PML: variants seen among roughly 807,000 people sequenced by gnomAD.
PML encodes the protein protein PML.
PML carries 28 observed loss-of-function variants against 65.2 expected under a neutral mutation model. The ratio of observed to expected loss-of-function variants is 0.43; its 90% confidence interval spans 0.32 to 0.59. The LOEUF is 0.59. Among genes scored for constraint, PML ranks in the 20% least tolerant of loss-of-function variants. The pLI, the probability that PML is intolerant of heterozygous loss-of-function variation, is 0.08. For missense variants in PML, 1,021 were observed against 1,203.4 expected, an observed-to-expected ratio of 0.85 and a Z score of 2.24; for synonymous variants, 500 against 508.8, an observed-to-expected ratio of 0.98 and a Z score of 0.23.
At chr15:74,038,174 C>T (rs2141888701) in intron 7 of PML, among the ~76,000 whole-genome samples, 1 of 152,324 alleles carries the variant, frequency 6.6e-6, no homozygotes, top group Non-Finnish European at 1.5e-5. Context: ...AAAGCTACCA[C>T]TGACCCTGGG....
intron 2 of PML, among the ~76,000 whole-genome samples, chr15:74,000,167 G>T (rs532179156): frequency 6.6e-6 from 1 of 152,188 alleles, no homozygotes; most frequent in Non-Finnish European, 1.5e-5. Flanking sequence ...AAGCTTTCAT[G>T]TTTTGAACGT....
At position 73,998,337 on chromosome 15, in the gene PML, C is replaced by T; in HGVS notation, c.463C>T (p.His155Tyr). 6.2e-7 allele frequency: 1 copy of T among 1,614,226 alleles called. No homozygotes were observed. Among genetic ancestry groups the T allele is most frequent in the Non-Finnish European group, 8.5e-7 (1 of 1,180,042 alleles). Residue 155 changes from histidine to tyrosine, a missense_variant, in exon 2 of 9, where the codon CAC becomes TAC. Coordinates refer to ENST00000268058, the MANE Select transcript of PML (RefSeq NM_033238.3). Reference protein sequence around the residue: ...QLLCAKCFEAHQWFLKHEARP... With the variant: ...QLLCAKCFEAYQWFLKHEARP... ...CCTCTGCGCCAAGTGCTTCGAGGCACACCAGTGGTTCCTCAAGCACGAGGC... is the reference window on the plus strand; with the variant it reads ...CCTCTGCGCCAAGTGCTTCGAGGCATACCAGTGGTTCCTCAAGCACGAGGC...
At chr15:74,021,374 G>A (rs2070826524) in intron 2 of PML, among the ~76,000 whole-genome samples, 1 of 152,152 alleles carries the variant, frequency 6.6e-6, no homozygotes, top group Non-Finnish European at 1.5e-5. Flanking sequence ...ATCACCTGAG[G>A]TCGGGAGTTC....
intron 2 of PML, among the ~76,000 whole-genome samples, chr15:74,010,571 G>A (rs1209616417): frequency 6.6e-6 from 1 of 150,830 alleles, no homozygotes; most frequent in Non-Finnish European, 1.5e-5. Flanking sequence ...ATTGCTAACT[G>A]ATAAAATTAA....
At chr15:74,006,880 C>T (rs938833974) in intron 2 of PML, among the ~76,000 whole-genome samples, 2 of 152,140 alleles carry the variant, frequency 1.3e-5, no homozygotes, top group African/African-American at 4.8e-5. Flanking sequence ...TGCCAGGCGC[C>T]TTTAAATAAC....
At chr15:74,028,117 A>G (rs1334849153) in intron 4 of PML, 1 of 152,252 alleles carries the variant, frequency 6.6e-6, no homozygotes, top group African/African-American at 2.4e-5. Flanking sequence ...AGCAGCTCAG[A>G]TATTTTCCCT....
intron 2 of PML, among the ~76,000 whole-genome samples, chr15:74,002,444 CTTT>C (rs71137368): frequency 5.7e-5 from 6 of 104,758 alleles, no homozygotes; most frequent in Admixed American, 1.2e-4. Flanking sequence ...TCTTTCTTTT[CTTT>C]TTTTTTTTTT....
At chr15:74,006,118 C>G (rs10220720) in intron 2 of PML, among the ~76,000 whole-genome samples, 1 of 152,152 alleles carries the variant, frequency 6.6e-6, no homozygotes, top group African/African-American at 2.4e-5. Flanking sequence ...AGGCTGGGTG[C>G]TGCGGCTCAC....
rs940358501 is a variant in PML at position 74,046,079 on chromosome 15, G to A, written c.*1071G>A. On this transcript the variant is annotated 3_prime_UTR_variant, in exon 9 of 9. Transcript: ENST00000268058. ...GGCCTAGGAACAGGTCCCTTCCTAA[G>A]CTCTAGTGTCCCCATCTGTAAAATG... is the stretch of plus-strand genomic sequence containing the variant. 4.3e-6 allele frequency: 1 copy of A among 232,930 alleles called. No individual in the cohort carries two copies. The highest frequency in any genetic ancestry group is 2.2e-5 in the African/African-American group (1 of 45,322). The allele number at this position is 232,930 out of a possible 1,614,324, so 14.4% of individuals were successfully genotyped here.
At position 74,023,358 on chromosome 15, in the gene PML, A is replaced by T. The variant is rs2141835131; in HGVS notation, c.1133A>T (p.Glu378Val). 6.2e-7 allele frequency: 1 copy of T among 1,601,910 alleles called. No individual in the cohort carries two copies. The highest frequency in any genetic ancestry group is 1.7e-4 in the Middle Eastern group (1 of 5,996). Residue 378 changes from glutamate (E) to valine (V), a missense_variant, in exon 3 of 9, where the codon GAG (glutamate) becomes GTG (valine). Physicochemically the swap from Glu to Val is moderately radical, Grantham distance 121 (BLOSUM62 -2). Coordinates refer to ENST00000268058, the MANE Select transcript of PML (RefSeq NM_033238.3). ...QAAVRTDGFD[E>V]FKVRLQDLSS... Reference sequence around the variant, plus strand: ...GCCGTGCGCACCGATGGCTTCGACGAGTTCAAGGTGCGCCTGCAGGACCTC... The same window carrying T: ...GCCGTGCGCACCGATGGCTTCGACGTGTTCAAGGTGCGCCTGCAGGACCTC...
chr15:74,038,532 A>C (rs2071623924), intron 7 of PML, among the ~76,000 whole-genome samples: 1 of 152,114 alleles, frequency 6.6e-6, no homozygotes, highest in Admixed American at 6.5e-5. Context: ...TAGAAAATAT[A>C]TATTTTAAAA....
intron 2 of PML, among the ~76,000 whole-genome samples, chr15:74,012,350 GT>G (rs2070372945): frequency 6.6e-6 from 1 of 152,098 alleles, no homozygotes; most frequent in Non-Finnish European, 1.5e-5. Flanking sequence ...TAATTTTTGT[GT>G]TTTTAGTAGA....
At chr15:74,020,915 T>G (rs942629926) in intron 2 of PML, among the ~76,000 whole-genome samples, 1 of 152,212 alleles carries the variant, frequency 6.6e-6, no homozygotes, top group Non-Finnish European at 1.5e-5. Flanking sequence ...TTGAAAGGAT[T>G]CACGTGATTA....
rs555454203 is a variant in PML, at chr15:74,042,261, G to A, written c.1711-728G>A. 1 of 627,616 alleles carries A rather than the reference G, an allele frequency of 1.6e-6. No individual in the cohort carries two copies. The highest frequency in any genetic ancestry group is 1.4e-4 in the East Asian group (1 of 7,172). 38.9% of individuals were successfully genotyped at this position (627,616 alleles called of 1,614,324 possible). ...CCCAAAACTCAGGTTTCTCTAAGCTGCTGGGGCAGATGCCAAGAGCCTCCA... is the reference window on the plus strand; with the variant it reads ...CCCAAAACTCAGGTTTCTCTAAGCTACTGGGGCAGATGCCAAGAGCCTCCA... On this transcript the variant is annotated intron_variant, in intron 7 of 8. Transcript: ENST00000268058. This position sits in a 1 kb window ranked among gnomAD's most constrained non-coding sequence, Gnocchi z 5.3.
rs773166495 is a variant in PML, at chr15:74,044,320, C to G, written c.1961C>G (p.Ser654Cys). Residue 654 changes from serine to cysteine, a missense_variant, in exon 9 of 9, where the codon TCC (serine) becomes TGC (cysteine). Coordinates refer to ENST00000268058, the MANE Select transcript of PML (RefSeq NM_033238.3). The part of the protein sequence containing the change: ...AFFSIYSKAV[S>C]LEVGLQHFLS... ...TTCAGCATCTACTCCAAGGCCGTGT[C>G]CCTGGAGGTGGGGCTGCAGCACTTC... is the stretch of plus-strand genomic sequence containing the variant. 14 of 1,614,060 alleles carry G rather than the reference C, an allele frequency of 8.7e-6. No individual in the cohort carries two copies. Among genetic ancestry groups the G allele is most frequent in the Admixed American group, 8.3e-5 (5 of 60,018 alleles).
At position 74,043,853 on chromosome 15, in the gene PML, G is replaced by A. The variant is rs951131255; in HGVS notation, c.1862-368G>A. 3.1e-5 allele frequency: 16 copies of A among 522,146 alleles called. No individual in the cohort carries two copies. The highest frequency in any genetic ancestry group is 1.5e-4 in the Admixed American group (7 of 45,868). The allele number at this position is 522,146 out of a possible 1,614,324, so 32.3% of individuals were successfully genotyped here. A position where few individuals can be genotyped will look rare whatever the true frequency, so the allele number is the denominator to read the frequency against. On this transcript the variant is annotated intron_variant, in intron 8 of 8. Coordinates refer to ENST00000268058, the MANE Select transcript of PML (RefSeq NM_033238.3). The surrounding 1 kb of genome is among the most constrained non-coding windows in gnomAD (Gnocchi z 4.3). Reference sequence around the variant, plus strand: ...GTCCTTGAGGGGATTGGAGGAAGGAGCATGGGATGGAGAGCTAAGTTCAAG... The same window carrying A: ...GTCCTTGAGGGGATTGGAGGAAGGAACATGGGATGGAGAGCTAAGTTCAAG...
At chr15:74,020,918 C>T (rs777974075) in intron 2 of PML, among the ~76,000 whole-genome samples, 7 of 152,294 alleles carry the variant, frequency 4.6e-5, no homozygotes, top group Non-Finnish European at 8.8e-5. Flanking sequence ...AAAGGATTCA[C>T]GTGATTACGT....
chr15:74,032,618 T>A lies in PML; in HGVS notation c.1301T>A (p.Leu434Gln). The A allele has an allele frequency of 6.2e-7, 1 of 1,614,210 alleles. No individual in the cohort carries two copies. The highest frequency in any genetic ancestry group is 8.5e-7 in the Non-Finnish European group (1 of 1,180,000). ...AAGGCCCAGGTTCAGGCCCTGGGGC[T>A]GGCTGAAGCCCAGCCTATGGCTGTG... ...RVKAQVQALG[L>Q]AEAQPMAVVQ... The change falls in exon 5 of 9, where the codon CTG (leucine) becomes CAG (glutamine). Residue 434 changes from leucine to glutamine, a missense_variant. Leu to Gln is a moderately radical substitution (Grantham distance 113). Coordinates refer to ENST00000268058, the MANE Select transcript of PML (RefSeq NM_033238.3).
At position 74,039,909 on chromosome 15, in the gene PML, A is replaced by G. The variant is rs530948682; in HGVS notation, c.1711-3080A>G. On this transcript the variant is annotated intron_variant, in intron 7 of 8. Transcript: ENST00000268058. ...CCTCCTGGACTTTTGGAGTGTGATTACAATGCCAATCCAGCCACTTCCTCT... is the reference window on the plus strand; with the variant it reads ...CCTCCTGGACTTTTGGAGTGTGATTGCAATGCCAATCCAGCCACTTCCTCT... Among the ~76,000 whole-genome samples, 37 of 152,254 alleles carry G rather than the reference A, an allele frequency of 2.4e-4. 1 individual carries two copies. Among genetic ancestry groups the G allele is most frequent in the Admixed American group, 2.3e-3 (35 of 15,288 alleles).
Sources: allele counts gnomAD v4.1 joint callset (sites outside exome capture counted in the v4.1 genomes callset), GRCh38; gene constraint gnomAD v4.1.1; non-coding constraint Gnocchi (gnomAD v3.1); transcripts MANE v1.5; gene names NCBI Gene and HGNC (gene_info 2026-07-23, HGNC 2026-07-21).